Variants in ASF1B observed in about 807,000 individuals in gnomAD.
ASF1B encodes histone chaperone ASF1B.
Under a neutral mutation model 16.6 loss-of-function variants are expected in ASF1B, and 10 were observed. The observed-to-expected ratio is 0.60, with a 90% CI of 0.37 to 1.02. ASF1B has a LOEUF of 1.02. Ranked by LOEUF, ASF1B falls within the 50% of genes least tolerant of loss-of-function variation. ASF1B has a pLI of 0.01. For missense variants in ASF1B, 240 were observed against 266.0 expected, an observed-to-expected ratio of 0.90 and a Z score of 0.68; for synonymous variants, 101 against 106.2, an observed-to-expected ratio of 0.95 and a Z score of 0.30.
chr19:14,121,744 C>G, intron 2 of ASF1B, 36 bp from the exon 3 acceptor site: 1 of 1,569,516 alleles, frequency 6.4e-7, no homozygotes, highest in Non-Finnish European at 8.7e-7. Flanking sequence ...AGCAGTGCCA[C>G]AGCCATGCCT....
At chr19:14,127,288 A>C (rs1314437603) in intron 1 of ASF1B, among the ~76,000 whole-genome samples, 2 of 152,212 alleles carry the variant, frequency 1.3e-5, no homozygotes, top group Non-Finnish European at 2.9e-5. Context: ...TCAAGGCCTG[A>C]GCGTGAACTG....
chr19:14,121,825 G>T, intron 2 of ASF1B, 117 bp from the exon 3 acceptor site: 1 of 998,084 alleles, frequency 1.0e-6, no homozygotes, highest in South Asian at 2.3e-5. Flanking sequence ...TCTGCCCTCA[G>T]TTTTCTTTTT....
At chr19:14,135,817 G>A (rs957150292) in intron 1 of ASF1B, among the ~76,000 whole-genome samples, 1 of 149,096 alleles carries the variant, frequency 6.7e-6, no homozygotes, top group African/African-American at 2.6e-5. Flanking sequence ...GGAGGTGTGA[G>A]TATCTCACTA....
intron 3 of ASF1B, 109 bp from the exon 4 acceptor site, chr19:14,120,774 A>G (rs931557358): frequency 3.4e-6 from 3 of 875,512 alleles, no homozygotes; most frequent in African/African-American, 1.7e-5. Context: ...AGCAACCTAC[A>G]TATGGAACTC....
intron 1 of ASF1B, among the ~76,000 whole-genome samples, chr19:14,131,324 A>G (rs28421395): frequency 1.3e-5 from 2 of 151,040 alleles, no homozygotes; most frequent in African/African-American, 4.9e-5. Context: ...AGCTGGGATT[A>G]TAGCTGCGTG....
chr19:14,120,538 T>C lies in ASF1B; in HGVS notation c.530A>G (p.Asn177Ser), dbSNP rs754251890. Reference protein sequence around the residue: ...DPSLGCGLPLNCTPIKGLGLP... With the variant: ...DPSLGCGLPLSCTPIKGLGLP... ...CCCCAAGCCCTTGATAGGAGTGCAGTTGAGTGGGAGGCCGCAGCCCAGGGA... is the reference window on the plus strand; with the variant it reads ...CCCCAAGCCCTTGATAGGAGTGCAGCTGAGTGGGAGGCCGCAGCCCAGGGA... Residue 177 changes from asparagine (N) to serine (S), a missense_variant, in exon 4 of 4, where the codon AAC becomes AGC. Asn to Ser is a conservative substitution (Grantham distance 46). Transcript: ENST00000263382. 6 of 1,613,334 alleles carry C rather than the reference T, an allele frequency of 3.7e-6. No individual in the cohort carries two copies. In the African/African-American group the frequency reaches 8.0e-5, roughly 22 times the overall value.
At position 14,121,185 on chromosome 19, in the gene ASF1B, A is replaced by T. The variant is rs976214488; in HGVS notation, c.402+347T>A. 6 of 399,154 alleles carry T rather than the reference A, an allele frequency of 1.5e-5. No individual in the cohort carries two copies. In the South Asian group the frequency reaches 3.6e-4, roughly 24 times the overall value. 24.7% of individuals were successfully genotyped at this position (399,154 alleles called of 1,614,324 possible). On this transcript the variant is annotated intron_variant, in intron 3 of 3. Coordinates refer to ENST00000263382, the MANE Select transcript of ASF1B (RefSeq NM_018154.3). ...GGTCAGGCTGGAATGCAGTGGCACG[A>T]TCTGAGCTCACTGCAGCCTCAAACT...
chr19:14,130,800 T>C (rs1179821255), intron 1 of ASF1B, among the ~76,000 whole-genome samples: 1 of 150,128 alleles, frequency 6.7e-6, no homozygotes, highest in Non-Finnish European at 1.5e-5. Flanking sequence ...TATATATATA[T>C]ATATATATAT....
rs146607628 is a variant in ASF1B, at chr19:14,132,843, A to C, written c.109+3505T>G. Among the ~76,000 whole-genome samples, 77 of 151,764 alleles carry C rather than the reference A, an allele frequency of 5.1e-4. 1 individual carries two copies. Among genetic ancestry groups the C allele is most frequent in the African/African-American group, 1.7e-3 (69 of 41,354 alleles). On this transcript the variant is annotated intron_variant, in intron 1 of 3. Coordinates refer to ENST00000263382, the MANE Select transcript of ASF1B (RefSeq NM_018154.3). ...TAATAATAATCATCATCATCATCAT[A>C]ATCATACGACGGGCACGGTGGCTCA...
At chr19:14,126,083 G>T (rs749381131) in intron 2 of ASF1B, 39 bp downstream of exon 2, 4 of 1,444,054 alleles carry the variant, frequency 2.8e-6, no homozygotes, top group Non-Finnish European at 3.8e-6. Flanking sequence ...GATGTTTCTA[G>T]GAATCAAGGG....
chr19:14,127,652 T>A (rs1599358414), intron 1 of ASF1B, among the ~76,000 whole-genome samples: 1 of 152,010 alleles, frequency 6.6e-6, no homozygotes, highest in Non-Finnish European at 1.5e-5. Context: ...AACACTTTTT[T>A]TTTTTGACAG....
At chr19:14,126,070 G>T (rs1568544529) in intron 2 of ASF1B, 52 bp downstream of exon 2, 1 of 1,382,412 alleles carries the variant, frequency 7.2e-7, no homozygotes, top group Non-Finnish European at 9.9e-7. Flanking sequence ...TCAGGTAAAA[G>T]AGGATGTTTC....
In ASF1B at chr19:14,136,442, C is replaced by T. The variant is rs774599848; in HGVS notation, c.15G>A (p.Ser5=). MAKV[S]VLNVAVLENP... is the part of the protein sequence containing the mutation. ...TCTCCAGGACCGCCACGTTCAGCACCGACACCTTGGCCATCGCCTCGCCTC... is the reference window on the plus strand; with the variant it reads ...TCTCCAGGACCGCCACGTTCAGCACTGACACCTTGGCCATCGCCTCGCCTC... Residue 5 remains serine (S), a synonymous_variant, in exon 1 of 4, where the codon TCG becomes TCA. Transcript: ENST00000263382. The T allele has an allele frequency of 6.2e-7, 1 of 1,613,166 alleles. No individual in the cohort carries two copies. The highest frequency in any genetic ancestry group is 8.5e-7 in the Non-Finnish European group (1 of 1,179,326).
rs533917118 is a variant in ASF1B, at chr19:14,136,556, C to A, written c.-100G>T. 4 of 892,964 alleles carry A rather than the reference C, an allele frequency of 4.5e-6. No homozygotes were observed. The Admixed American group carries it at 8.4e-5, about 19-fold the overall frequency. 55.3% of individuals were successfully genotyped at this position (892,964 alleles called of 1,614,324 possible). A position where few individuals can be genotyped will look rare whatever the true frequency, so the allele number is the denominator to read the frequency against. ...TCAGTGGGGTAGGGCTGACCAGGTCCACTCCCGCCTCTTCTCTCCGAGAAC... is the reference window on the plus strand; with the variant it reads ...TCAGTGGGGTAGGGCTGACCAGGTCAACTCCCGCCTCTTCTCTCCGAGAAC... On this transcript the variant is annotated 5_prime_UTR_variant, in exon 1 of 4. Transcript: ENST00000263382.
At chr19:14,126,087 T>C (rs1967313081) in intron 2 of ASF1B, 35 bp downstream of exon 2, 1 of 1,468,214 alleles carries the variant, frequency 6.8e-7, no homozygotes, top group East Asian at 2.3e-5. Flanking sequence ...TTTCTAGGAA[T>C]CAAGGGCTAA....
chr19:14,130,787 G>GTATATATATATATATA (rs61351900), intron 1 of ASF1B, among the ~76,000 whole-genome samples: 35 of 142,470 alleles, frequency 2.5e-4, no homozygotes, highest in South Asian at 8.9e-4. Context: ...GTGTTTGTGT[G>GTATATATATATATATA]TATATATATA....
Position 14,136,574 on chromosome 19 carries a change from C to G in ASF1B, c.-118G>C. 2 of 766,410 alleles carry G rather than the reference C, an allele frequency of 2.6e-6. No homozygotes were observed. Among genetic ancestry groups the G allele is most frequent in the Non-Finnish European group, 4.1e-6 (2 of 487,462 alleles). 47.5% of individuals were successfully genotyped at this position (766,410 alleles called of 1,614,324 possible). A position where few individuals can be genotyped will look rare whatever the true frequency, so the allele number is the denominator to read the frequency against. Reference sequence around the variant, plus strand: ...CCAGGTCCACTCCCGCCTCTTCTCTCCGAGAACTGAAGTGCGCACCTAGTC... The same window carrying G: ...CCAGGTCCACTCCCGCCTCTTCTCTGCGAGAACTGAAGTGCGCACCTAGTC... On this transcript the variant is annotated 5_prime_UTR_variant, in exon 1 of 4. Transcript: ENST00000263382.
chr19:14,136,526 T>TGG lies in ASF1B; in HGVS notation c.-72_-71dup, dbSNP rs140252988. 3.0e-6 allele frequency: 4 copies of TGG among 1,350,758 alleles called. No homozygotes were observed. In the Admixed American group the frequency reaches 7.8e-5, roughly 26 times the overall value. 83.7% of individuals were successfully genotyped at this position (1,350,758 alleles called of 1,614,324 possible). On this transcript the variant is annotated 5_prime_UTR_variant, in exon 1 of 4. Transcript: ENST00000263382. ...TGGCGGAGGCCGCGCCTGGGTCCGG[T>TGG]GGGGTCAGTGGGGTAGGGCTGACCA...
Position 14,134,324 on chromosome 19 carries a change from A to G in ASF1B, c.109+2024T>C, listed in dbSNP as rs73925765. Among the ~76,000 whole-genome samples, 1,276 of 152,204 alleles carry G rather than the reference A, an allele frequency of 8.4e-3. 17 individuals are homozygous for G. The highest frequency in any genetic ancestry group is 0.028 in the African/African-American group (1,177 of 41,510). On this transcript the variant is annotated intron_variant, in intron 1 of 3. Transcript: ENST00000263382. ...TCGGCATATTCTATAGTTAGCCACA[A>G]GTAGACTCCTTAATTTAAAAAGGAG...
Sources: gnomAD v4.1 joint callset for allele counts (sites outside exome capture counted in the v4.1 genomes callset) on GRCh38, gnomAD v4.1.1 for gene constraint, MANE v1.5 for transcripts, NCBI Gene and HGNC (gene_info 2026-07-23, HGNC 2026-07-21) for gene names.